Variants in CACNA2D3 observed in about 807,000 individuals in gnomAD.
The protein encoded by CACNA2D3 is voltage-dependent calcium channel subunit alpha-2/delta-3.
In CACNA2D3, 60 loss-of-function variants were observed where a neutral mutation model predicts 160.6. The observed-to-expected ratio is 0.37, with a 90% CI of 0.30 to 0.46. The LOEUF (loss-of-function observed/expected upper bound fraction) is 0.46, where lower values mean the gene tolerates loss of function less well. CACNA2D3 is among the 20% of genes least tolerant of loss of function. The pLI, the probability that CACNA2D3 is intolerant of heterozygous loss-of-function variation, is 1.00. For synonymous variants in CACNA2D3, 558 were observed against 492.9 expected (o/e 1.13, Z -1.75); for missense variants, 1,205 against 1,365.0 (o/e 0.88, Z 1.85).
chr3:54,956,625 T>G (rs1553928760), intron 27 of CACNA2D3, among the ~76,000 whole-genome samples: 1 of 152,138 alleles, frequency 6.6e-6, no homozygotes, highest in Non-Finnish European at 1.5e-5. Flanking sequence ...CTACAGACCC[T>G]GCCTCTTTAG....
chr3:54,463,887 C>T (rs1700557230), intron 4 of CACNA2D3, among the ~76,000 whole-genome samples: 1 of 152,076 alleles, frequency 6.6e-6, no homozygotes, highest in South Asian at 2.1e-4. Flanking sequence ...CTGTTTTTTC[C>T]CCATCTTTGT....
chr3:54,941,342 A>T (rs1701461170), intron 27 of CACNA2D3, among the ~76,000 whole-genome samples: 1 of 152,194 alleles, frequency 6.6e-6, no homozygotes, highest in African/African-American at 2.4e-5. Flanking sequence ...AATGAAAAAG[A>T]ATCTCAGTTA....
chr3:55,071,494 T>C (rs1704806466), intron 35 of CACNA2D3, among the ~76,000 whole-genome samples: 1 of 152,202 alleles, frequency 6.6e-6, no homozygotes, highest in African/African-American at 2.4e-5. Flanking sequence ...TCTACAGAGA[T>C]TTAGAATATA....
intron 9 of CACNA2D3, among the ~76,000 whole-genome samples, chr3:54,618,937 C>G (rs1698922416): frequency 6.6e-6 from 1 of 152,210 alleles, no homozygotes; most frequent in Admixed American, 6.5e-5. Context: ...CCCTGGCACA[C>G]TGCAGCCACT....
intron 17 of CACNA2D3, among the ~76,000 whole-genome samples, chr3:54,848,983 G>A (rs1478847394): frequency 6.6e-6 from 1 of 152,224 alleles, no homozygotes; most frequent in South Asian, 2.1e-4. Context: ...TCTGTCCTCA[G>A]CTTCCGTAAA....
At chr3:54,883,799 A>ATCTCTCTCTCTCTCTCTCTCCCTCTC (rs1699857885) in intron 21 of CACNA2D3, among the ~76,000 whole-genome samples, 2 of 107,480 alleles carry the variant, frequency 1.9e-5, no homozygotes, top group East Asian at 6.9e-4. Context: ...TTACAATGGA[A>ATCTCTCTCTCTCTCTCTCTCCCTCTC]TCTCTCTCTC....
intron 4 of CACNA2D3, among the ~76,000 whole-genome samples, chr3:54,446,882 G>A (rs1700230103): frequency 6.6e-6 from 1 of 152,116 alleles, no homozygotes; most frequent in South Asian, 2.1e-4. Flanking sequence ...TGGTATATGG[G>A]GCACCAAGTG....
chr3:54,921,011 A>T (rs1700832402), intron 27 of CACNA2D3, among the ~76,000 whole-genome samples: 1 of 152,132 alleles, frequency 6.6e-6, no homozygotes, highest in South Asian at 2.1e-4. Context: ...TGTGCAGGTG[A>T]TCCTCAGCCG....
intron 10 of CACNA2D3, among the ~76,000 whole-genome samples, chr3:54,641,512 A>G (rs890030658): frequency 1.3e-5 from 2 of 152,180 alleles, no homozygotes; most frequent in African/African-American, 4.8e-5. Context: ...TCTTAGTTGA[A>G]TCTCTCCTGG....
chr3:54,572,150 G>T (rs1702509658), intron 8 of CACNA2D3, among the ~76,000 whole-genome samples: 1 of 152,192 alleles, frequency 6.6e-6, no homozygotes, highest in Non-Finnish European at 1.5e-5. Flanking sequence ...TGGCCGAGGG[G>T]ATTGCCTGAA....
At position 54,320,495 on chromosome 3, in the gene CACNA2D3, A is replaced by G; in HGVS notation, c.258A>G (p.Gln86=). The change falls in exon 3 of 38, where the codon CAA becomes CAG. Residue 86 remains glutamine, a synonymous_variant. Transcript: ENST00000474759. ...DVAIEEIDGL[Q]LVKKLAKNME... ...CCATAGAAGAAATTGATGGCCTCCA[A>G]CTGGTAAAGAAGCTGGCAAAGAACA... The G allele has an allele frequency of 6.4e-7, 1 of 1,570,134 alleles. No homozygotes were observed. Among genetic ancestry groups the G allele is most frequent in the African/African-American group, 1.4e-5 (1 of 73,998 alleles).
intron 8 of CACNA2D3, among the ~76,000 whole-genome samples, chr3:54,575,567 G>T (rs1184233558): frequency 6.6e-6 from 1 of 152,198 alleles, no homozygotes; most frequent in Admixed American, 6.5e-5. Context: ...CAAGCTGTCT[G>T]CTCTCAGAGA....
intron 11 of CACNA2D3, among the ~76,000 whole-genome samples, chr3:54,658,173 A>C (rs1355033121): frequency 3.3e-5 from 5 of 152,302 alleles, no homozygotes; most frequent in Admixed American, 6.5e-5. Context: ...TGAGACAGTG[A>C]TTTTATTTTC....
intron 35 of CACNA2D3, among the ~76,000 whole-genome samples, chr3:55,065,508 C>T (rs911513650): frequency 2.0e-5 from 3 of 152,168 alleles, no homozygotes; most frequent in Non-Finnish European, 2.9e-5. Flanking sequence ...TTCCTTCCAA[C>T]AGACACTTTT....
chr3:54,212,160 G>T (rs935663643), intron 2 of CACNA2D3, among the ~76,000 whole-genome samples: 1 of 152,198 alleles, frequency 6.6e-6, no homozygotes, highest in African/African-American at 2.4e-5. Flanking sequence ...TTTTGCCAAG[G>T]TTAAGGATGG....
In CACNA2D3 at chr3:54,988,280, C is replaced by G. The variant is rs537610330; in HGVS notation, c.2690+527C>G. Among the ~76,000 whole-genome samples, 5 of 152,306 alleles carry G rather than the reference C, an allele frequency of 3.3e-5. 1 individual carries two copies. The South Asian group carries it at 1.0e-3, about 32-fold the overall frequency. ...AAGAAAACCTAGATGGTGCCAAATT[C>G]CACAGGTGGCAGATACTGACTACTC... On this transcript the variant is annotated intron_variant, in intron 31 of 37. Transcript: ENST00000474759.
chr3:54,540,018 C>T (rs747919866), intron 5 of CACNA2D3, among the ~76,000 whole-genome samples: 6 of 152,104 alleles, frequency 3.9e-5, no homozygotes, highest in Non-Finnish European at 5.9e-5. Flanking sequence ...AATTTGCAGC[C>T]GTCTTGGAAG....
intron 5 of CACNA2D3, among the ~76,000 whole-genome samples, chr3:54,551,708 C>T (rs570857266): frequency 1.3e-5 from 2 of 152,284 alleles, no homozygotes; most frequent in South Asian, 4.1e-4. Context: ...GGTGCTCTGG[C>T]CGTCGTGTTC....
intron 2 of CACNA2D3, among the ~76,000 whole-genome samples, chr3:54,207,071 GC>G (rs1178358173): frequency 6.6e-6 from 1 of 152,188 alleles, no homozygotes; most frequent in Non-Finnish European, 1.5e-5. Flanking sequence ...GCCTGCTTCT[GC>G]TGCCACTCAC....
Sources: gnomAD v4.1 joint callset for allele counts (sites outside exome capture counted in the v4.1 genomes callset) on GRCh38, gnomAD v4.1.1 for gene constraint, MANE v1.5 for transcripts, NCBI Gene and HGNC (gene_info 2026-07-23, HGNC 2026-07-21) for gene names.